Variants in RTN1 observed in about 807,000 individuals in gnomAD.
RTN1 encodes the protein reticulon-1.
A neutral mutation model predicts 65.5 loss-of-function variants in RTN1; 25 were observed. The ratio of observed to expected loss-of-function variants is 0.38; its 90% CI spans 0.28 to 0.53. The LOEUF (loss-of-function observed/expected upper bound fraction) is 0.53. Among genes scored for constraint, RTN1 ranks in the 20% least tolerant of loss-of-function variants. The pLI, the probability that RTN1 is intolerant of heterozygous loss-of-function variation, is 0.79. For missense variants in RTN1, 983 were observed against 1,025.4 expected, an observed-to-expected ratio of 0.96 and a Z score of 0.57; for synonymous variants, 471 against 447.6, an observed-to-expected ratio of 1.05 and a Z score of -0.66.
At chr14:59,644,199 C>T (rs984393549) in intron 3 of RTN1, among the ~76,000 whole-genome samples, 1 of 152,210 alleles carries the variant, frequency 6.6e-6, no homozygotes, top group South Asian at 2.1e-4. Flanking sequence ...CGAATAAATA[C>T]AGCACCTTCA....
chr14:59,864,993 T>C (rs1227799869), intron 1 of RTN1, among the ~76,000 whole-genome samples: 2 of 152,176 alleles, frequency 1.3e-5, no homozygotes, highest in Non-Finnish European at 2.9e-5. Flanking sequence ...ATGCTTTCTA[T>C]ATCTTTATGT....
chr14:59,630,475 T>C, intron 3 of RTN1: 1 of 1,613,788 alleles, frequency 6.2e-7, no homozygotes, highest in Non-Finnish European at 8.5e-7. Flanking sequence ...CCACACACAG[T>C]CCATCTTGGT....
At chr14:59,683,177 A>T (rs1256629835) in intron 3 of RTN1, among the ~76,000 whole-genome samples, 1 of 152,150 alleles carries the variant, frequency 6.6e-6, no homozygotes, top group African/African-American at 2.4e-5. Flanking sequence ...TTGCTTTTAT[A>T]TAGCTGAAAA....
chr14:59,856,433 C>T (rs902291306), intron 1 of RTN1, among the ~76,000 whole-genome samples: 2 of 152,160 alleles, frequency 1.3e-5, no homozygotes, highest in African/African-American at 2.4e-5. Flanking sequence ...AGACCAACTC[C>T]CACACATACC....
rs988057744 is a variant in RTN1, at chr14:59,774,537, T to C, written c.242-28056A>G. On this transcript the variant is annotated intron_variant, in intron 1 of 8. Coordinates refer to ENST00000267484, the MANE Select transcript of RTN1 (RefSeq NM_021136.3). This position sits in a 1 kb window ranked among gnomAD's most constrained non-coding sequence, Gnocchi z 5.1. The stretch of plus-strand genomic sequence containing the variant: ...ACTTGGCAATTTCACTCCACACTGA[T>C]CAAAATCAGTTCAAAATAGTCCAGT... Among the ~76,000 whole-genome samples the C allele has an allele frequency of 1.3e-5, 2 of 151,004 alleles. No individual in the cohort carries two copies. Among genetic ancestry groups the C allele is most frequent in the Non-Finnish European group, 2.9e-5 (2 of 68,014 alleles).
chr14:59,754,098 C>G (rs190222085), intron 1 of RTN1, among the ~76,000 whole-genome samples: 1 of 152,208 alleles, frequency 6.6e-6, no homozygotes, highest in East Asian at 1.9e-4. Flanking sequence ...CAAAAAAGTA[C>G]TTATAATAAA....
chr14:59,808,865 C>T (rs2139610029), intron 1 of RTN1, among the ~76,000 whole-genome samples: 1 of 152,244 alleles, frequency 6.6e-6, no homozygotes, highest in African/African-American at 2.4e-5. Flanking sequence ...CTTGCTTCCC[C>T]TTTGCCTTCC....
In RTN1 at chr14:59,803,868, TTTTA is replaced by T. The variant is rs925507480; in HGVS notation, c.242-57391_242-57388del. Among the ~76,000 whole-genome samples, 126 of 152,152 alleles carry T rather than the reference TTTTA, an allele frequency of 8.3e-4. No individual in the cohort carries two copies. The highest frequency in any genetic ancestry group is 2.9e-3 in the African/African-American group (119 of 41,492). Reference sequence around the variant, plus strand: ...TTAATTGTCTAAATGTGATTTAGGGTTTTATTTATTTATTTATGTTTACACTTTT... The same window carrying T: ...TTAATTGTCTAAATGTGATTTAGGGTTTTATTTATTTATGTTTACACTTTT... On this transcript the variant is annotated intron_variant, in intron 1 of 8. Coordinates refer to ENST00000267484, the MANE Select transcript of RTN1 (RefSeq NM_021136.3). This position sits in a 1 kb window ranked among gnomAD's most constrained non-coding sequence, Gnocchi z 5.6.
intron 3 of RTN1, among the ~76,000 whole-genome samples, chr14:59,637,309 A>G (rs1477312432): frequency 6.6e-6 from 1 of 152,196 alleles, no homozygotes; most frequent in Non-Finnish European, 1.5e-5. Flanking sequence ...ATATTGCACC[A>G]ATTCAGTCAT....
chr14:59,851,197 T>C (rs1461353693), intron 1 of RTN1, among the ~76,000 whole-genome samples: 4 of 152,228 alleles, frequency 2.6e-5, no homozygotes, highest in Non-Finnish European at 5.9e-5. Flanking sequence ...TGTGTGACAT[T>C]TTCACACAAA....
chr14:59,647,990 C>T (rs563283259), intron 3 of RTN1, among the ~76,000 whole-genome samples: 6 of 152,146 alleles, frequency 3.9e-5, no homozygotes, highest in African/African-American at 1.2e-4. Flanking sequence ...AAAAAATAAG[C>T]AAATCCAAGA....
intron 1 of RTN1, among the ~76,000 whole-genome samples, chr14:59,826,794 A>T (rs1416350393): frequency 6.6e-6 from 1 of 152,232 alleles, no homozygotes; most frequent in Non-Finnish European, 1.5e-5. Context: ...CATGGAAAAA[A>T]GACAGGGCCC....
intron 2 of RTN1, among the ~76,000 whole-genome samples, chr14:59,729,194 C>T (rs984366381): frequency 6.6e-6 from 1 of 152,136 alleles, no homozygotes; most frequent in African/African-American, 2.4e-5. Context: ...GAGGTGGGAG[C>T]TGCACTGATT....
intron 3 of RTN1, among the ~76,000 whole-genome samples, chr14:59,620,453 C>T (rs1882225534): frequency 6.6e-6 from 1 of 152,122 alleles, no homozygotes; most frequent in Admixed American, 6.5e-5. Flanking sequence ...GTGTCAACTA[C>T]ATACTGGATC....
intron 1 of RTN1, among the ~76,000 whole-genome samples, chr14:59,783,809 C>T (rs1215078322): frequency 2.7e-5 from 4 of 150,712 alleles, no homozygotes; most frequent in Non-Finnish European, 5.9e-5. Flanking sequence ...TTTTTCTCAA[C>T]AGCTAGCAAA....
chr14:59,777,832 A>C (rs202209154), intron 1 of RTN1, among the ~76,000 whole-genome samples: 3 of 133,822 alleles, frequency 2.2e-5, no homozygotes, highest in African/African-American at 9.1e-5. Flanking sequence ...CAAAAAAAAA[A>C]AACAAAACAA....
intron 1 of RTN1, among the ~76,000 whole-genome samples, chr14:59,867,542 T>C (rs949610585): frequency 1.3e-5 from 2 of 152,222 alleles, no homozygotes; most frequent in African/African-American, 4.8e-5. Context: ...TGGAGTTTTA[T>C]GGTGCAGTTT....
rs560772175 is a variant in RTN1 at position 59,680,129 on chromosome 14, G to A, written c.1765+46790C>T. Among the ~76,000 whole-genome samples the A allele has an allele frequency of 5.9e-5, 9 of 152,234 alleles. No homozygotes were observed. The East Asian group carries it at 1.7e-3, about 29-fold the overall frequency. On this transcript the variant is annotated intron_variant, in intron 3 of 8. Coordinates refer to ENST00000267484, the MANE Select transcript of RTN1 (RefSeq NM_021136.3). The stretch of plus-strand genomic sequence containing the variant: ...TGGGAGCTGAGCAGTGCTCCTCCTA[G>A]AACAATCATGTTAGTAACATAGCTC...
intron 1 of RTN1, among the ~76,000 whole-genome samples, chr14:59,861,029 T>C (rs1310887293): frequency 6.6e-6 from 1 of 152,186 alleles, no homozygotes; most frequent in Non-Finnish European, 1.5e-5. Context: ...TTTGAGTTAA[T>C]ACTGCAACGA....
Sources: allele counts gnomAD v4.1 joint callset (sites outside exome capture counted in the v4.1 genomes callset), GRCh38; gene constraint gnomAD v4.1.1; non-coding constraint Gnocchi (gnomAD v3.1); transcripts MANE v1.5; gene names NCBI Gene and HGNC (gene_info 2026-07-23, HGNC 2026-07-21).